GJA1: variants seen among roughly 807,000 people sequenced by gnomAD.
GJA1 encodes gap junction protein alpha 1, also known as gap junction alpha-1 protein.
Under a neutral mutation model 31.0 loss-of-function variants are expected in GJA1, and 9 were observed. The observed-to-expected ratio is 0.29, with a 90% CI of 0.17 to 0.51. The LOEUF (loss-of-function observed/expected upper bound fraction) is 0.51. Among genes scored for constraint, GJA1 ranks in the 20% least tolerant of loss-of-function variants. The pLI is 0.98. For missense variants in GJA1, 278 were observed against 468.8 expected (o/e 0.59, Z 3.76); for synonymous variants, 186 against 180.1 (o/e 1.03, Z -0.26).
intron 1 of GJA1, among the ~76,000 whole-genome samples, chr6:121,438,073 G>A (rs1187996173): frequency 1.3e-5 from 2 of 152,110 alleles, no homozygotes; most frequent in Non-Finnish European, 2.9e-5. Flanking sequence ...TGGGTAGGCC[G>A]AATTGACTGG....
chr6:121,444,156 C>G (rs974517441), intron 1 of GJA1, among the ~76,000 whole-genome samples: 3 of 152,116 alleles, frequency 2.0e-5, no homozygotes, highest in African/African-American at 7.2e-5. Context: ...CTTGGCTATT[C>G]AACTGTCTTT....
At position 121,448,517 on chromosome 6, in the gene GJA1, G is replaced by A. The variant is rs1270925038; in HGVS notation, c.*521G>A. 1 of 179,094 alleles carries A rather than the reference G, an allele frequency of 5.6e-6. No individual in the cohort carries two copies. The highest frequency in any genetic ancestry group is 2.4e-5 in the African/African-American group (1 of 41,556). 11.1% of individuals were successfully genotyped at this position (179,094 alleles called of 1,614,324 possible). ...TTGCACTTTGAAGGTAAGCTTTCTA[G>A]GCCTGACCCTCCAGGTGTCAATGGA... On this transcript the variant is annotated 3_prime_UTR_variant, in exon 2 of 2. Coordinates refer to ENST00000282561, the MANE Select transcript of GJA1 (RefSeq NM_000165.5).
chr6:121,441,279 G>GGATTT (rs1773776833), intron 1 of GJA1, among the ~76,000 whole-genome samples: 2 of 151,848 alleles, frequency 1.3e-5, no homozygotes. Flanking sequence ...AGTAGAGATG[G>GGATTT]GATTTCACTA....
intron 1 of GJA1, among the ~76,000 whole-genome samples, chr6:121,440,537 TGAC>T (rs1773753802): frequency 1.3e-5 from 2 of 152,202 alleles, no homozygotes; most frequent in South Asian, 2.1e-4. Flanking sequence ...AATGAGATGA[TGAC>T]AATAGTTTTT....
intron 1 of GJA1, among the ~76,000 whole-genome samples, chr6:121,445,658 C>G (rs1373926820): frequency 6.6e-6 from 1 of 152,142 alleles, no homozygotes; most frequent in Non-Finnish European, 1.5e-5. Context: ...TTTAATAAGG[C>G]TGTGAGTAGT....
rs1773932437 is a variant in GJA1 at position 121,448,669 on chromosome 6, C to T, written c.*673C>T. On this transcript the variant is annotated 3_prime_UTR_variant, in exon 2 of 2. Coordinates refer to ENST00000282561, the MANE Select transcript of GJA1 (RefSeq NM_000165.5). Reference sequence around the variant, plus strand: ...TCCATCCACTTGCACAATATCATTACCATCACTTTTTCATCATTCCTCAGC... The same window carrying T: ...TCCATCCACTTGCACAATATCATTATCATCACTTTTTCATCATTCCTCAGC... The T allele has an allele frequency of 6.0e-6, 1 of 167,426 alleles. No homozygotes were observed. The highest frequency in any genetic ancestry group is 1.5e-5 in the Non-Finnish European group (1 of 68,460). 10.4% of individuals were successfully genotyped at this position (167,426 alleles called of 1,614,324 possible).
chr6:121,446,853 T>C lies in GJA1; in HGVS notation c.6T>C (p.Gly2=), dbSNP rs750778613. The change falls in exon 2 of 2, where the codon GGT becomes GGC. Residue 2 remains glycine (G), a synonymous_variant. Transcript: ENST00000282561. Reference sequence around the variant, plus strand: ...TCAGGTGGTGCCCAGGCAACATGGGTGACTGGAGCGCCTTAGGCAAACTCC... The same window carrying C: ...TCAGGTGGTGCCCAGGCAACATGGGCGACTGGAGCGCCTTAGGCAAACTCC... M[G]DWSALGKLLD... The C allele has an allele frequency of 1.2e-6, 2 of 1,611,524 alleles. No individual in the cohort carries two copies. Among genetic ancestry groups the C allele is most frequent in the Admixed American group, 1.7e-5 (1 of 60,006 alleles).
intron 1 of GJA1, among the ~76,000 whole-genome samples, chr6:121,446,493 CAAAT>C (rs781159058): frequency 6.6e-5 from 10 of 152,222 alleles, no homozygotes; most frequent in Admixed American, 1.3e-4. Context: ...ATTTATCAGA[CAAAT>C]AAAAGGAGCA....
intron 1 of GJA1, among the ~76,000 whole-genome samples, chr6:121,442,542 T>C (rs950079588): frequency 6.6e-6 from 1 of 152,184 alleles, no homozygotes; most frequent in Non-Finnish European, 1.5e-5. Context: ...TTTTAGACTG[T>C]TCCTTCTGCT....
intron 1 of GJA1, among the ~76,000 whole-genome samples, chr6:121,436,069 T>A (rs913909705): frequency 6.6e-6 from 1 of 152,046 alleles, no homozygotes; most frequent in Non-Finnish European, 1.5e-5. Context: ...TTCAAACCTT[T>A]CCGATTAGAA....
At chr6:121,436,202 GCGCCTGGGTT>G (rs1773661050) in intron 1 of GJA1, among the ~76,000 whole-genome samples, 1 of 128,002 alleles carries the variant, frequency 7.8e-6, no homozygotes, top group Non-Finnish European at 1.7e-5. Flanking sequence ...GGGCGGTTAG[GCGCCTGGGTT>G]GGGGGATTTG....
rs1233283607 is a variant in GJA1 at position 121,447,896 on chromosome 6, G to T, written c.1049G>T (p.Gly350Val). ...DNQNSKKLAA[G>V]HELQPLAIVD... ...CAGAATTCTAAAAAACTAGCTGCTG[G>T]ACATGAATTACAGCCACTAGCCATT... The change falls in exon 2 of 2, where the codon GGA becomes GTA. Residue 350 changes from glycine (G) to valine (V), a missense_variant. Transcript: ENST00000282561. 8.7e-6 allele frequency: 14 copies of T among 1,613,742 alleles called. No homozygotes were observed. Among genetic ancestry groups the T allele is most frequent in the Non-Finnish European group, 1.2e-5 (14 of 1,179,778 alleles).
At chr6:121,438,164 G>T (rs1773700544) in intron 1 of GJA1, among the ~76,000 whole-genome samples, 1 of 152,186 alleles carries the variant, frequency 6.6e-6, no homozygotes, top group African/African-American at 2.4e-5. Flanking sequence ...TGTTCCCCCA[G>T]TGTGGGGGTG....
At chr6:121,436,236 G>A (rs143464367) in intron 1 of GJA1, among the ~76,000 whole-genome samples, 1 of 148,366 alleles carries the variant, frequency 6.7e-6, no homozygotes, top group East Asian at 2.0e-4. Context: ...GACTACATCG[G>A]AAAAATCAAA....
At chr6:121,439,258 A>G (rs1302477715) in intron 1 of GJA1, among the ~76,000 whole-genome samples, 1 of 152,220 alleles carries the variant, frequency 6.6e-6, no homozygotes, top group Non-Finnish European at 1.5e-5. Context: ...AAAGAGTAAG[A>G]ACCAAACTTT....
Position 121,448,660 on chromosome 6 carries a change from A to G in GJA1, c.*664A>G, listed in dbSNP as rs1023957187. The G allele has an allele frequency of 1.8e-5, 3 of 167,690 alleles. No individual in the cohort carries two copies. Among genetic ancestry groups the G allele is most frequent in the Admixed American group, 1.3e-4 (2 of 15,366 alleles). 10.4% of individuals were successfully genotyped at this position (167,690 alleles called of 1,614,324 possible). ...TATTCTTTTTCCATCCACTTGCACAATATCATTACCATCACTTTTTCATCA... is the reference window on the plus strand; with the variant it reads ...TATTCTTTTTCCATCCACTTGCACAGTATCATTACCATCACTTTTTCATCA... On this transcript the variant is annotated 3_prime_UTR_variant, in exon 2 of 2. Coordinates refer to ENST00000282561, the MANE Select transcript of GJA1 (RefSeq NM_000165.5).
intron 1 of GJA1, among the ~76,000 whole-genome samples, chr6:121,439,651 G>A (rs1652993910): frequency 6.6e-6 from 1 of 152,024 alleles, no homozygotes; most frequent in Non-Finnish European, 1.5e-5. Context: ...TCCTCTCTTT[G>A]GATGGAGTTC....
chr6:121,439,949 G>C (rs999813747), intron 1 of GJA1, among the ~76,000 whole-genome samples: 2 of 152,154 alleles, frequency 1.3e-5, no homozygotes, highest in Non-Finnish European at 2.9e-5. Flanking sequence ...CTTTTCCATG[G>C]TACTTGAATC....
chr6:121,446,767 G>A lies in GJA1; in HGVS notation c.-16-65G>A, dbSNP rs117533544. The A allele has an allele frequency of 2.7e-3, 2,660 of 983,000 alleles. 5 individuals carry two copies. Among genetic ancestry groups the A allele is most frequent in the Non-Finnish European group, 3.8e-3 (2,309 of 603,588 alleles). 60.9% of individuals were successfully genotyped at this position (983,000 alleles called of 1,614,324 possible). Reference sequence around the variant, plus strand: ...TAGTATTTTGACTATCACCTGAAAGGTACTAAATGTTAAACTAGTAATTTG... The same window carrying A: ...TAGTATTTTGACTATCACCTGAAAGATACTAAATGTTAAACTAGTAATTTG... On this transcript the variant is annotated intron_variant, in intron 1 of 1. Coordinates refer to ENST00000282561, the MANE Select transcript of GJA1 (RefSeq NM_000165.5).
Sources: allele counts gnomAD v4.1 joint callset (sites outside exome capture counted in the v4.1 genomes callset), GRCh38; gene constraint gnomAD v4.1.1; transcripts MANE v1.5; gene names NCBI Gene and HGNC (gene_info 2026-07-23, HGNC 2026-07-21).